Variants in CSMD1 observed in about 807,000 individuals in gnomAD.
The protein encoded by CSMD1 is CUB and Sushi multiple domains 1, also known as CUB and sushi domain-containing protein 1.
A neutral mutation model predicts 417.5 loss-of-function variants in CSMD1; 213 were observed. The observed-to-expected ratio is 0.51, with a 90% CI of 0.46 to 0.57. The LOEUF (loss-of-function observed/expected upper bound fraction) is 0.57, where lower values mean the gene tolerates loss of function less well. Ranked by LOEUF, CSMD1 falls within the 20% of genes least tolerant of loss-of-function variation. The pLI, the probability that CSMD1 is intolerant of heterozygous loss-of-function variation, is 0.00. For synonymous variants in CSMD1, 2,862 were observed against 1,736.8 expected (o/e 1.65, Z -16.11); for missense variants, 6,923 against 4,529.7 (o/e 1.53, Z -15.17).
intron 5 of CSMD1, among the ~76,000 whole-genome samples, chr8:3,868,284 A>C (rs1269896282): frequency 6.6e-6 from 1 of 152,038 alleles, no homozygotes; most frequent in African/African-American, 2.4e-5. Context: ...GTGCCTTTTC[A>C]GTCGCCCTGC....
At chr8:4,673,580 T>G (rs1805485940) in intron 1 of CSMD1, among the ~76,000 whole-genome samples, 1 of 152,142 alleles carries the variant, frequency 6.6e-6, no homozygotes, top group Non-Finnish European at 1.5e-5. Flanking sequence ...ACCTTGTGCT[T>G]GGGGGAAACT....
chr8:3,191,946 TA>T (rs1796450649), intron 33 of CSMD1, among the ~76,000 whole-genome samples: 2 of 152,192 alleles, frequency 1.3e-5, no homozygotes, highest in South Asian at 4.1e-4. Flanking sequence ...AATTTTCCCT[TA>T]AAATAACCCT....
chr8:3,002,314 G>A lies in CSMD1; in HGVS notation c.8030-2183C>T, dbSNP rs150192664. Among the ~76,000 whole-genome samples the A allele has an allele frequency of 4.9e-3, 753 of 152,290 alleles. 4 individuals are homozygous for A. Among genetic ancestry groups the A allele is most frequent in the African/African-American group, 0.017 (703 of 41,566 alleles). ...TTCCAGACGCTGTCCTTTGCACAAC[G>A]TGCTCTGTCGTGCATGGGGGAGATG... On this transcript the variant is annotated intron_variant, in intron 52 of 69. Coordinates refer to ENST00000635120, the MANE Select transcript of CSMD1 (RefSeq NM_033225.6).
Position 2,938,544 on chromosome 8 carries a change from A to C in CSMD1, c.*41T>G. 6.3e-7 allele frequency: 1 copy of C among 1,576,088 alleles called. No individual in the cohort carries two copies. ...CCAAAGGAATCACTGCTTGTCCATC[A>C]GAGGTATGGCTATGAATCAGTCCTG... On this transcript the variant is annotated 3_prime_UTR_variant, in exon 70 of 70. Transcript: ENST00000635120.
At chr8:4,155,280 T>A (rs898234831) in intron 3 of CSMD1, among the ~76,000 whole-genome samples, 2 of 152,038 alleles carry the variant, frequency 1.3e-5, no homozygotes, top group African/African-American at 4.8e-5. Flanking sequence ...GGGTGTGAAT[T>A]AGGGGGTGGA....
chr8:4,726,523 G>C (rs572969459), intron 1 of CSMD1, among the ~76,000 whole-genome samples: 2 of 152,178 alleles, frequency 1.3e-5, no homozygotes, highest in East Asian at 3.9e-4. Flanking sequence ...GGGCTTTAAT[G>C]AGAATACAAG....
chr8:4,497,215 G>A (rs1468351580), intron 2 of CSMD1, among the ~76,000 whole-genome samples: 1 of 152,090 alleles, frequency 6.6e-6, no homozygotes. Flanking sequence ...TCCAGACTGT[G>A]CTACTCCTGG....
In CSMD1 at chr8:4,707,774, C is replaced by T. The variant is rs951021657; in HGVS notation, c.86-70216G>A. 2.0e-5 allele frequency among the ~76,000 whole-genome samples: 3 copies of T among 151,728 alleles called. No individual in the cohort carries two copies. In the South Asian group the frequency reaches 6.2e-4, roughly 32 times the overall value. On this transcript the variant is annotated intron_variant, in intron 1 of 69. Coordinates refer to ENST00000635120, the MANE Select transcript of CSMD1 (RefSeq NM_033225.6). ...TCGTGGCAGGCGCCTGTAATCCCAGCTACTCGGGAGGCTGAAGCAGAAGAA... is the reference window on the plus strand; with the variant it reads ...TCGTGGCAGGCGCCTGTAATCCCAGTTACTCGGGAGGCTGAAGCAGAAGAA...
At chr8:4,552,225 G>C (rs117682395) in intron 2 of CSMD1, among the ~76,000 whole-genome samples, 6 of 152,126 alleles carry the variant, frequency 3.9e-5, no homozygotes, top group Non-Finnish European at 4.4e-5. Flanking sequence ...CTCAATGTGA[G>C]CCTCCCTTTC....
rs190072694 is a variant in CSMD1, at chr8:3,277,247, G to C, written c.4153+6897C>G. On this transcript the variant is annotated intron_variant, in intron 26 of 69. Transcript: ENST00000635120. ...TTATTTTTGGCAGTGGGGAGAATGA[G>C]AAGTCACCCTGGCTGAGATGAGAAG... Among the ~76,000 whole-genome samples, 17 of 152,270 alleles carry C rather than the reference G, an allele frequency of 1.1e-4. No homozygotes were observed. The East Asian group carries it at 3.3e-3, about 29-fold the overall frequency.
intron 5 of CSMD1, among the ~76,000 whole-genome samples, chr8:3,926,070 A>AAACAC (rs1809661905): frequency 1.5e-5 from 2 of 132,460 alleles, no homozygotes; most frequent in African/African-American, 6.0e-5. Flanking sequence ...ACACACACAC[A>AAACAC]CACAAACACC....
chr8:3,736,888 G>A (rs1471767303), intron 6 of CSMD1, among the ~76,000 whole-genome samples: 2 of 152,202 alleles, frequency 1.3e-5, no homozygotes, highest in South Asian at 4.1e-4. Context: ...CATGTAGAAG[G>A]TGCTGTGTGC....
At chr8:4,451,861 C>G (rs912296467) in intron 2 of CSMD1, among the ~76,000 whole-genome samples, 1 of 151,690 alleles carries the variant, frequency 6.6e-6, no homozygotes, top group Non-Finnish European at 1.5e-5. Flanking sequence ...TTTATGCTTT[C>G]CCTTTCAAAC....
intron 11 of CSMD1, among the ~76,000 whole-genome samples, chr8:3,485,354 G>C (rs566464476): frequency 2.0e-5 from 3 of 152,226 alleles, no homozygotes; most frequent in East Asian, 1.9e-4. Context: ...TTTAGAGCTG[G>C]AGTGCAGATA....
At chr8:4,148,771 T>C (rs759991163) in intron 3 of CSMD1, among the ~76,000 whole-genome samples, 2 of 152,088 alleles carry the variant, frequency 1.3e-5, no homozygotes, top group Non-Finnish European at 2.9e-5. Flanking sequence ...GCCATCACCC[T>C]GAGTTTAGAA....
At chr8:3,329,148 G>C (rs181572156) in intron 23 of CSMD1, among the ~76,000 whole-genome samples, 8 of 152,138 alleles carry the variant, frequency 5.3e-5, no homozygotes, top group African/African-American at 1.7e-4. Context: ...AATTGAAGGA[G>C]AGAGGCGATG....
intron 5 of CSMD1, among the ~76,000 whole-genome samples, chr8:3,813,873 A>C (rs1053726388): frequency 2.6e-5 from 4 of 152,172 alleles, no homozygotes; most frequent in Non-Finnish European, 5.9e-5. Flanking sequence ...GAGAAAAAGA[A>C]GAGAAAGTGA....
intron 2 of CSMD1, among the ~76,000 whole-genome samples, chr8:4,576,162 C>T (rs933731695): frequency 6.6e-6 from 1 of 152,212 alleles, no homozygotes; most frequent in Non-Finnish European, 1.5e-5. Flanking sequence ...GCAGGACTGT[C>T]GAGTTATGTG....
intron 2 of CSMD1, among the ~76,000 whole-genome samples, chr8:4,515,247 G>C (rs1371330382): frequency 6.6e-6 from 1 of 152,120 alleles, no homozygotes; most frequent in South Asian, 2.1e-4. Flanking sequence ...GCTCTGCTAG[G>C]AAATGGAATT....
Sources: allele counts gnomAD v4.1 joint callset (sites outside exome capture counted in the v4.1 genomes callset), GRCh38; gene constraint gnomAD v4.1.1; transcripts MANE v1.5; gene names NCBI Gene and HGNC (gene_info 2026-07-23, HGNC 2026-07-21).